CDC7: variants seen among roughly 807,000 people sequenced by gnomAD.
CDC7 encodes the protein cell division cycle 7-related protein kinase.
In CDC7, 34 loss-of-function variants were observed where a neutral mutation model predicts 53.5. The observed-to-expected ratio is 0.64, with a 90% CI of 0.48 to 0.85. The LOEUF (loss-of-function observed/expected upper bound fraction) is 0.85, where lower values mean the gene tolerates loss of function less well. CDC7 is among the 40% of genes least tolerant of loss of function. The pLI, the probability that CDC7 is intolerant of heterozygous loss-of-function variation, is 0.00. For synonymous variants in CDC7, 211 were observed against 222.8 expected (o/e 0.95, Z 0.47); for missense variants, 594 against 679.7 (o/e 0.87, Z 1.40).
intron 11 of CDC7, among the ~76,000 whole-genome samples, chr1:91,521,893 G>A (rs1381580670): frequency 2.0e-5 from 3 of 151,908 alleles, no homozygotes; most frequent in Admixed American, 6.6e-5. Context: ...AGGGCCAGCC[G>A]TGGTGACTCA....
chr1:91,511,974 C>A (rs1165708151), intron 6 of CDC7, 51 bp downstream of exon 6: 3 of 1,333,012 alleles, frequency 2.3e-6, no homozygotes, highest in East Asian at 2.5e-5. Flanking sequence ...TTTTAAAAAA[C>A]AATTTTATTG....
chr1:91,504,441 A>G (rs1415356525), intron 2 of CDC7, among the ~76,000 whole-genome samples: 3 of 151,968 alleles, frequency 2.0e-5, no homozygotes, highest in Non-Finnish European at 2.9e-5. Context: ...AGTATCTACT[A>G]TATGCCAAGT....
intron 10 of CDC7, among the ~76,000 whole-genome samples, chr1:91,517,308 A>C (rs1667612867): frequency 6.6e-6 from 1 of 152,174 alleles, no homozygotes; most frequent in African/African-American, 2.4e-5. Flanking sequence ...GAGAGGATGA[A>C]AATGTGAATG....
At chr1:91,510,128 T>A (rs1311216817) in intron 4 of CDC7, among the ~76,000 whole-genome samples, 1 of 151,790 alleles carries the variant, frequency 6.6e-6, no homozygotes, top group East Asian at 1.9e-4. Flanking sequence ...GGTAGGAGGA[T>A]CGCTTGAGCC....
intron 8 of CDC7, 54 bp downstream of exon 8, chr1:91,514,097 AT>A: frequency 8.6e-7 from 1 of 1,159,250 alleles, no homozygotes; most frequent in Non-Finnish European, 1.3e-6. Context: ...ACTGAAGAGA[AT>A]TTAGGTAATA....
At chr1:91,521,045 G>C (rs542192005) in intron 11 of CDC7, among the ~76,000 whole-genome samples, 40 of 152,272 alleles carry the variant, frequency 2.6e-4, no homozygotes, top group African/African-American at 8.7e-4. Flanking sequence ...CAAGGAATAA[G>C]TGGGATTGAC....
chr1:91,507,995 CT>C, intron 3 of CDC7, 58 bp downstream of exon 3: 1 of 1,405,124 alleles, frequency 7.1e-7, no homozygotes, highest in East Asian at 2.4e-5. Flanking sequence ...TTCTATTTTC[CT>C]TTTTTAGTCT....
chr1:91,508,044 C>A, intron 3 of CDC7, 107 bp downstream of exon 3: 1 of 959,040 alleles, frequency 1.0e-6, no homozygotes, highest in Non-Finnish European at 1.5e-6. Context: ...AAATATACCA[C>A]TTTTTAGACT....
chr1:91,524,150 A>G lies in CDC7; in HGVS notation c.1440A>G (p.Gln480=), dbSNP rs1046622. The G allele has an allele frequency of 0.015, 24,958 of 1,614,062 alleles. 295 individuals are homozygous for G. Among genetic ancestry groups the G allele is most frequent in the South Asian group, 0.044 (4,051 of 91,064 alleles). The change falls in exon 12 of 12, where the codon CAA becomes CAG. Residue 480 remains glutamine (Q), a synonymous_variant. Transcript: ENST00000234626. ...SSTPKLTSDI[Q]GHASHQPAIS... is the part of the protein sequence containing the mutation. ...CTCCCAAGTTAACAAGTGATATACA[A>G]GGGCATGCTTCTCATCAACCAGCTA...
At chr1:91,521,962 C>G (rs774255862) in intron 11 of CDC7, among the ~76,000 whole-genome samples, 1 of 152,004 alleles carries the variant, frequency 6.6e-6, no homozygotes, top group East Asian at 1.9e-4. Context: ...GTCAGGAGAC[C>G]GAGACCATCC....
chr1:91,506,628 G>A (rs1163150999), intron 2 of CDC7, among the ~76,000 whole-genome samples: 1 of 152,030 alleles, frequency 6.6e-6, no homozygotes. Flanking sequence ...CCATTGCTGA[G>A]CATTTTTTAA....
chr1:91,519,078 A>G (rs1258153056), intron 10 of CDC7, among the ~76,000 whole-genome samples: 2 of 149,750 alleles, frequency 1.3e-5, no homozygotes, highest in Non-Finnish European at 3.0e-5. Context: ...AAAAAAAAAG[A>G]ATGAATTAAG....
At chr1:91,518,735 A>T (rs2102391655) in intron 10 of CDC7, among the ~76,000 whole-genome samples, 1 of 152,232 alleles carries the variant, frequency 6.6e-6, no homozygotes, top group Admixed American at 6.5e-5. Flanking sequence ...GAGGCTGAGA[A>T]GGGTGGTGGG....
At position 91,514,832 on chromosome 1, in the gene CDC7, C is replaced by CA; in HGVS notation, c.935dup (p.Thr313AspfsTer7). ...TTTCTTTTACAGCTCATGAAGCAGT[C>CA]AAAGACTGTGGATGTACTGTCTAGA... On this transcript the variant is annotated frameshift_variant, in exon 9 of 12. Transcript: ENST00000234626. LOFTEE classifies it high-confidence loss of function. The CA allele has an allele frequency of 6.2e-7, 1 of 1,602,956 alleles. No homozygotes were observed. The highest frequency in any genetic ancestry group is 1.1e-5 in the South Asian group (1 of 89,064).
At chr1:91,512,259 T>C (rs1286008679) in intron 6 of CDC7, among the ~76,000 whole-genome samples, 1 of 152,134 alleles carries the variant, frequency 6.6e-6, no homozygotes, top group Non-Finnish European at 1.5e-5. Context: ...GCAATAGCCA[T>C]GCACAGATTA....
intron 11 of CDC7, among the ~76,000 whole-genome samples, chr1:91,523,770 A>G (rs1347116167): frequency 6.6e-6 from 1 of 152,172 alleles, no homozygotes; most frequent in Non-Finnish European, 1.5e-5. Context: ...AGAAATTGGC[A>G]GAGTCAAGTG....
Position 91,511,653 on chromosome 1 carries a change from T to G in CDC7, c.392T>G (p.Val131Gly). The part of the protein sequence containing the change: ...KYCFRKNDHV[V>G]IAMPYLEHES... ...TGCTTTAGGAAGAATGATCATGTAG[T>G]TATTGCTATGCCATATCTGGAGCAT... is the stretch of plus-strand genomic sequence containing the variant. The change falls in exon 5 of 12, where the codon GTT (valine) becomes GGT (glycine). Residue 131 changes from valine (V) to glycine (G), a missense_variant. Transcript: ENST00000234626. 2 of 1,611,036 alleles carry G rather than the reference T, an allele frequency of 1.2e-6. No individual in the cohort carries two copies. Among genetic ancestry groups the G allele is most frequent in the Non-Finnish European group, 1.7e-6 (2 of 1,177,714 alleles).
intron 2 of CDC7, among the ~76,000 whole-genome samples, chr1:91,502,173 T>A (rs1666724481): frequency 1.3e-5 from 2 of 152,206 alleles, no homozygotes; most frequent in Non-Finnish European, 2.9e-5. Flanking sequence ...AAATTGACAC[T>A]GGAGATCATC....
At chr1:91,517,692 C>T (rs1667636651) in intron 10 of CDC7, among the ~76,000 whole-genome samples, 1 of 151,986 alleles carries the variant, frequency 6.6e-6, no homozygotes, top group South Asian at 2.1e-4. Flanking sequence ...GTGGATGGAC[C>T]AATCAGGGAG....
Sources: gnomAD v4.1 joint callset for allele counts (sites outside exome capture counted in the v4.1 genomes callset) on GRCh38, gnomAD v4.1.1 for gene constraint, MANE v1.5 for transcripts, NCBI Gene and HGNC (gene_info 2026-07-23, HGNC 2026-07-21) for gene names.